The following CD274 variants were observed in gnomAD, a reference collection of about 807,000 sequenced individuals.
CD274 encodes programmed cell death 1 ligand 1.
In CD274, 8 loss-of-function variants were observed where a neutral mutation model predicts 30.1. That is an observed-to-expected ratio of 0.27 (90% CI 0.16 to 0.48). CD274 has a LOEUF of 0.48. Among genes scored for constraint, CD274 ranks in the 20% least tolerant of loss-of-function variants. The pLI, the probability that CD274 is intolerant of heterozygous loss-of-function variation, is 0.99. For synonymous variants in CD274, 152 were observed against 124.6 expected (o/e 1.22, Z -1.46); for missense variants, 353 against 346.6 (o/e 1.02, Z -0.15).
intron 3 of CD274, among the ~76,000 whole-genome samples, chr9:5,461,202 A>G (rs1337128844): frequency 6.6e-6 from 1 of 152,154 alleles, no homozygotes; most frequent in Non-Finnish European, 1.5e-5. Flanking sequence ...TTACCACCTC[A>G]TACAGTGGCC....
At position 5,470,195 on chromosome 9, in the gene CD274, G is replaced by A. The variant is rs1469796900; in HGVS notation, c.*2333G>A. 1 of 232,880 alleles carries A rather than the reference G, an allele frequency of 4.3e-6. No homozygotes were observed. The highest frequency in any genetic ancestry group is 2.2e-5 in the African/African-American group (1 of 45,326). 14.4% of individuals were successfully genotyped at this position (232,880 alleles called of 1,614,324 possible). A position where few individuals can be genotyped will look rare whatever the true frequency, so the allele number is the denominator to read the frequency against. On this transcript the variant is annotated 3_prime_UTR_variant, in exon 7 of 7. Transcript: ENST00000381577. ...GGCTGAAGAAACAGTGTCTCCAACA[G>A]AGCTCCTTGTGTTATCTGTTTGTAC...
At chr9:5,461,102 T>C (rs964463002) in intron 3 of CD274, among the ~76,000 whole-genome samples, 3 of 152,212 alleles carry the variant, frequency 2.0e-5, no homozygotes, top group African/African-American at 7.2e-5. Flanking sequence ...TAGGGTGAAC[T>C]TTATCATTAA....
Position 5,462,901 on chromosome 9 carries a change from A to AT in CD274, c.463dup (p.Cys155LeufsTer4). 6.2e-7 allele frequency: 1 copy of AT among 1,614,074 alleles called. No homozygotes were observed. Among genetic ancestry groups the AT allele is most frequent in the Non-Finnish European group, 8.5e-7 (1 of 1,179,946 alleles). ...CAGTCACCTCTGAACATGAACTGAC[A>AT]TGTCAGGCTGAGGGCTACCCCAAGG... is the stretch of plus-strand genomic sequence containing the variant. On this transcript the variant is annotated frameshift_variant, in exon 4 of 7. Transcript: ENST00000381577. LOFTEE classifies it high-confidence loss of function.
intron 2 of CD274, 111 bp from the exon 3 acceptor site, chr9:5,456,968 T>C (rs1819314591): frequency 1.4e-6 from 1 of 705,952 alleles, no homozygotes; most frequent in East Asian, 2.6e-5. Context: ...AGTTCTTAAA[T>C]ATAATGATAA....
chr9:5,451,844 A>AT (rs539313526), intron 1 of CD274, among the ~76,000 whole-genome samples: 91 of 149,594 alleles, frequency 6.1e-4, no homozygotes, highest in African/African-American at 1.2e-3. Flanking sequence ...CTACTTAAGA[A>AT]TTTTTTTTTT....
intron 5 of CD274, 146 bp from the exon 6 acceptor site, chr9:5,466,624 A>G (rs1819501444): frequency 1.6e-6 from 1 of 611,622 alleles, no homozygotes; most frequent in Admixed American, 2.9e-5. Context: ...AATTAACCTC[A>G]TAAGTTGGGA....
intron 1 of CD274, among the ~76,000 whole-genome samples, chr9:5,453,785 G>T (rs907732981): frequency 6.6e-6 from 1 of 152,186 alleles, no homozygotes; most frequent in Admixed American, 6.5e-5. Flanking sequence ...CTCAGCACTG[G>T]CACTGTTGAC....
chr9:5,468,064 G>A lies in CD274; in HGVS notation c.*202G>A. 1.7e-6 allele frequency: 1 copy of A among 599,548 alleles called. No homozygotes were observed. The highest frequency in any genetic ancestry group is 3.0e-6 in the Non-Finnish European group (1 of 334,232). The allele number at this position is 599,548 out of a possible 1,614,324, so 37.1% of individuals were successfully genotyped here. The stretch of plus-strand genomic sequence containing the variant: ...AAAGATGGAGTCAAACAGGGAGCCT[G>A]GAGGGAGACCTTGATACTTTCAAAT... On this transcript the variant is annotated 3_prime_UTR_variant, in exon 7 of 7. Transcript: ENST00000381577.
At position 5,465,470 on chromosome 9, in the gene CD274, GTTTGTTTTCGT is replaced by G; in HGVS notation, c.683-20_683-10del. 7.6e-7 allele frequency: 1 copy of G among 1,320,132 alleles called. No individual in the cohort carries two copies. Among genetic ancestry groups the G allele is most frequent in the Non-Finnish European group, 1.1e-6 (1 of 913,408 alleles). The allele number at this position is 1,320,132 out of a possible 1,614,324, so 81.8% of individuals were successfully genotyped here. A position where few individuals can be genotyped will look rare whatever the true frequency, so the allele number is the denominator to read the frequency against. On this transcript the variant is annotated intron_variant, in intron 4 of 6. Transcript: ENST00000381577. ...CCCATCAAAATTTTATCTTTAGTCA[GTTTGTTTTCGT>G]TTTGTTTTGTTTTTCAGAACTACCT...
chr9:5,453,806 G>A (rs368099450), intron 1 of CD274, among the ~76,000 whole-genome samples: 1 of 152,240 alleles, frequency 6.6e-6, no homozygotes, highest in Non-Finnish European at 1.5e-5. Flanking sequence ...GTTTTAGGCT[G>A]TATGTCTTTG....
Position 5,464,292 on chromosome 9 carries a change from C to A in CD274, c.682+1171C>A, listed in dbSNP as rs138030896. On this transcript the variant is annotated intron_variant, in intron 4 of 6. Coordinates refer to ENST00000381577, the MANE Select transcript of CD274 (RefSeq NM_014143.4). The stretch of plus-strand genomic sequence containing the variant: ...AGTAACTCACCTAACTGCACTGAGT[C>A]TGTTTCCTCATCTGTAAATTGGGGA... 6.2e-4 allele frequency among the ~76,000 whole-genome samples: 94 copies of A among 152,256 alleles called. 1 individual carries two copies. The highest frequency in any genetic ancestry group is 2.2e-3 in the African/African-American group (90 of 41,552).
intron 2 of CD274, 32 bp from the exon 3 acceptor site, chr9:5,457,047 C>T: frequency 6.7e-7 from 1 of 1,493,356 alleles, no homozygotes. Flanking sequence ...GGAATTTTCC[C>T]TTTTCTGAAG....
intron 5 of CD274, 113 bp downstream of exon 5, chr9:5,465,719 C>G: frequency 1.5e-6 from 1 of 650,242 alleles, no homozygotes; most frequent in Non-Finnish European, 2.8e-6. Flanking sequence ...CAAAGGCATT[C>G]CACTGTTCAA....
chr9:5,452,756 T>A (rs894659727), intron 1 of CD274, among the ~76,000 whole-genome samples: 14 of 152,166 alleles, frequency 9.2e-5, no homozygotes, highest in African/African-American at 3.1e-4. Flanking sequence ...TTATTACTCC[T>A]AAAAATTTCA....
intron 1 of CD274, among the ~76,000 whole-genome samples, chr9:5,453,003 A>C (rs1819234522): frequency 6.6e-6 from 1 of 151,726 alleles, no homozygotes; most frequent in African/African-American, 2.4e-5. Context: ...GTTATAAAAT[A>C]TTTTATAAGT....
intron 3 of CD274, 55 bp downstream of exon 3, chr9:5,457,475 G>A (rs545040432): frequency 9.2e-6 from 13 of 1,418,422 alleles, no homozygotes; most frequent in African/African-American, 2.8e-5. Flanking sequence ...TATTCCAAGT[G>A]TTGAAGACTT....
intron 3 of CD274, among the ~76,000 whole-genome samples, chr9:5,461,981 A>T (rs1051382448): frequency 5.9e-5 from 9 of 152,196 alleles, no homozygotes; most frequent in African/African-American, 1.9e-4. Context: ...CAGTTTAGTT[A>T]TTAATAATGT....
chr9:5,470,130 T>C lies in CD274; in HGVS notation c.*2268T>C, dbSNP rs1367627117. ...CCTTTCCCTCTTGGCCATATTCTGG[T>C]GTCAATGACAAGGAGTACCTTGGCT... is the stretch of plus-strand genomic sequence containing the variant. On this transcript the variant is annotated 3_prime_UTR_variant, in exon 7 of 7. Coordinates refer to ENST00000381577, the MANE Select transcript of CD274 (RefSeq NM_014143.4). The C allele has an allele frequency of 4.3e-6, 1 of 233,076 alleles. No homozygotes were observed. The highest frequency in any genetic ancestry group is 8.5e-6 in the Non-Finnish European group (1 of 117,916). 14.4% of individuals were successfully genotyped at this position (233,076 alleles called of 1,614,324 possible).
At chr9:5,465,150 C>T (rs908036451) in intron 4 of CD274, among the ~76,000 whole-genome samples, 43 of 151,614 alleles carry the variant, frequency 2.8e-4, no homozygotes, top group Admixed American at 2.8e-3. Flanking sequence ...TAGTGAGCAG[C>T]CACTCCATGT....
Sources: gnomAD v4.1 joint callset for allele counts (sites outside exome capture counted in the v4.1 genomes callset) on GRCh38, gnomAD v4.1.1 for gene constraint, MANE v1.5 for transcripts, NCBI Gene and HGNC (gene_info 2026-07-23, HGNC 2026-07-21) for gene names.